The following ACTR3C variants were observed in gnomAD, a reference collection of about 807,000 sequenced individuals.
ACTR3C encodes actin related protein 3C, also known as actin-related protein 3C.
In ACTR3C, 18 loss-of-function variants were observed where a neutral mutation model predicts 26.3. The observed-to-expected ratio is 0.68, with a 90% confidence interval of 0.47 to 1.01. The LOEUF (loss-of-function observed/expected upper bound fraction) is 1.01. Ranked by LOEUF, ACTR3C falls within the 50% of genes least tolerant of loss-of-function variation. The pLI is 0.00. For synonymous variants in ACTR3C, 55 were observed against 94.5 expected (o/e 0.58, Z 2.42); for missense variants, 184 against 250.7 (o/e 0.73, Z 1.80).
the ACTR3C span, among the ~76,000 whole-genome samples, chr7:150,135,836 G>T: frequency 6.8e-6 from 1 of 147,238 alleles, no homozygotes; most frequent in Non-Finnish European, 1.5e-5. Context: ...AGAAAAGAAA[G>T]GAAAGAAAGG....
At chr7:150,240,621 T>C (rs149511185), downstream of ACTR3C, among the ~76,000 whole-genome samples, 5 of 152,162 alleles carry the variant, frequency 3.3e-5, no homozygotes, top group East Asian at 1.9e-4. Context: ...AGAGTGGAAA[T>C]GTGATATGGG....
the ACTR3C span, among the ~76,000 whole-genome samples, chr7:149,962,282 G>A: frequency 6.6e-6 from 1 of 152,144 alleles, no homozygotes; most frequent in Admixed American, 6.5e-5. Flanking sequence ...ACGCTCAAAG[G>A]AAGTATACAC....
the ACTR3C span, among the ~76,000 whole-genome samples, chr7:150,121,068 A>G: frequency 6.6e-6 from 1 of 152,192 alleles, no homozygotes; most frequent in East Asian, 1.9e-4. Flanking sequence ...TAAACTAGGT[A>G]TTGATGGGAC....
the ACTR3C span, among the ~76,000 whole-genome samples, chr7:150,049,373 G>A: frequency 1.3e-5 from 2 of 152,248 alleles, no homozygotes; most frequent in East Asian, 1.9e-4. Context: ...GAGAGCGAAC[G>A]TGGGCCGGGA....
At chr7:150,064,649 TAC>T in the ACTR3C span, among the ~76,000 whole-genome samples, 54,237 of 144,868 alleles carry the variant, frequency 0.37, 9,807 homozygotes, top group East Asian at 0.51. Context: ...TATTTTCACA[TAC>T]ACACACACAC....
the ACTR3C span, among the ~76,000 whole-genome samples, chr7:150,035,605 G>C: frequency 2.2e-5 from 3 of 134,566 alleles, 1 homozygote; most frequent in Non-Finnish European, 5.0e-5. Flanking sequence ...TCCCACGTAA[G>C]GTACCTGCCG....
intron 1 of ACTR3C, among the ~76,000 whole-genome samples, chr7:150,310,495 CAT>C (rs1467910764): frequency 0.028 from 4,229 of 152,198 alleles, 213 homozygotes; most frequent in African/African-American, 0.097. Flanking sequence ...ACCTTTGCCT[CAT>C]AAATCAAATT....
At chr7:150,237,069 T>C in the ACTR3C span, among the ~76,000 whole-genome samples, 1 of 151,192 alleles carries the variant, frequency 6.6e-6, no homozygotes, top group East Asian at 1.9e-4. Flanking sequence ...AAGCCCATAG[T>C]ATTTTTACTG....
At chr7:150,226,268 C>T in the ACTR3C span, among the ~76,000 whole-genome samples, 1 of 151,958 alleles carries the variant, frequency 6.6e-6, no homozygotes, top group Admixed American at 6.5e-5. Context: ...TTTAGGAAAC[C>T]ATTAAACTGC....
At chr7:150,042,161 C>G in the ACTR3C span, among the ~76,000 whole-genome samples, 17 of 32,782 alleles carry the variant, frequency 5.2e-4, 1 homozygote, top group Admixed American at 8.6e-4. Flanking sequence ...GGGGCTGGCT[C>G]TCAGTCCCTG....
the ACTR3C span, among the ~76,000 whole-genome samples, chr7:150,075,633 T>G: frequency 6.6e-6 from 1 of 152,160 alleles, no homozygotes; most frequent in Non-Finnish European, 1.5e-5. Context: ...AATCAGGCCT[T>G]TTGGACACTG....
chr7:149,987,571 GAAAAAAT>G, the ACTR3C span, among the ~76,000 whole-genome samples: 8 of 125,836 alleles, frequency 6.4e-5, no homozygotes, highest in Middle Eastern at 3.8e-3. Context: ...TCTCAAAAAA[GAAAAAAT>G]AAAAAATAAA....
the ACTR3C span, among the ~76,000 whole-genome samples, chr7:150,115,267 C>T: frequency 6.6e-6 from 1 of 152,238 alleles, no homozygotes; most frequent in Non-Finnish European, 1.5e-5. Flanking sequence ...CCATCTACCA[C>T]ACCAAGATAA....
chr7:150,059,539 T>C, the ACTR3C span, among the ~76,000 whole-genome samples: 1 of 152,112 alleles, frequency 6.6e-6, no homozygotes, highest in African/African-American at 2.4e-5. Context: ...ATGTTTTCTA[T>C]CCAGGATTGG....
the ACTR3C span, among the ~76,000 whole-genome samples, chr7:150,086,058 C>T: frequency 1.3e-5 from 2 of 151,808 alleles, no homozygotes; most frequent in Non-Finnish European, 2.9e-5. Flanking sequence ...CTCACTACAA[C>T]CTCCGTCTCC....
intron 6 of ACTR3C, among the ~76,000 whole-genome samples, chr7:150,265,330 TA>T (rs1173798949): frequency 6.6e-6 from 1 of 151,600 alleles, no homozygotes; most frequent in Non-Finnish European, 1.5e-5. Context: ...CACTTTTATG[TA>T]AAAGGCAAAT....
chr7:150,151,742 G>C, the ACTR3C span, among the ~76,000 whole-genome samples: 18 of 94,078 alleles, frequency 1.9e-4, 1 homozygote, highest in South Asian at 7.0e-4. Context: ...GTTGTGGGGT[G>C]GGGGGAGGGA....
intron 1 of ACTR3C, chr7:150,303,125 T>A (rs1351154508): frequency 6.6e-6 from 1 of 152,244 alleles, no homozygotes; most frequent in Non-Finnish European, 1.5e-5. Flanking sequence ...TTTCCCAGAC[T>A]TCCTTGTGGA....
At chr7:150,219,656 G>A in the ACTR3C span, among the ~76,000 whole-genome samples, 263 of 138,506 alleles carry the variant, frequency 1.9e-3, 40 homozygotes, top group African/African-American at 8.4e-3. Flanking sequence ...TGGGCTGCTA[G>A]TGAGGTTCTG....
Sources: allele counts gnomAD v4.1 joint callset (sites outside exome capture counted in the v4.1 genomes callset), GRCh38; gene constraint gnomAD v4.1.1; transcripts MANE v1.5; gene names NCBI Gene and HGNC (gene_info 2026-07-23, HGNC 2026-07-21).